LRRTM4: variants seen among roughly 807,000 people sequenced by gnomAD.
LRRTM4 encodes leucine-rich repeat transmembrane neuronal protein 4.
LRRTM4 carries 25 observed loss-of-function variants against 47.6 expected under a neutral mutation model. That is an observed-to-expected ratio of 0.53 (90% CI 0.38 to 0.73). The LOEUF (loss-of-function observed/expected upper bound fraction) is 0.73, where lower values mean the gene tolerates loss of function less well. Ranked by LOEUF, LRRTM4 falls within the 30% of genes least tolerant of loss-of-function variation. LRRTM4 has a pLI of 0.00. For missense variants in LRRTM4, 638 were observed against 713.4 expected (o/e 0.89, Z 1.20); for synonymous variants, 311 against 269.5 (o/e 1.15, Z -1.51).
intron 3 of LRRTM4, among the ~76,000 whole-genome samples, chr2:77,145,725 G>A (rs1573007483): frequency 6.6e-6 from 1 of 151,746 alleles, no homozygotes; most frequent in African/African-American, 2.4e-5. Context: ...AGTGAGCAGA[G>A]ATCATGCCAC....
At chr2:76,961,904 C>G (rs902712553) in intron 3 of LRRTM4, among the ~76,000 whole-genome samples, 1 of 151,294 alleles carries the variant, frequency 6.6e-6, no homozygotes, top group African/African-American at 2.4e-5. Flanking sequence ...ATTGATAGCT[C>G]TCACTTGAAC....
At position 77,118,959 on chromosome 2, in the gene LRRTM4, T is replaced by C. The variant is rs541542843; in HGVS notation, c.1552-370043A>G. On this transcript the variant is annotated intron_variant, in intron 3 of 3. Coordinates refer to ENST00000409884, the MANE Select transcript of LRRTM4 (RefSeq NM_001134745.3). ...ATATGTAAACCAAGATGTCCAAAGC[T>C]AGCCAGGCATGGGATTACTCTATGC... Among the ~76,000 whole-genome samples, 3 of 151,950 alleles carry C rather than the reference T, an allele frequency of 2.0e-5. No homozygotes were observed. The South Asian group carries it at 6.2e-4, about 31-fold the overall frequency.
chr2:77,044,605 T>C (rs994970680), intron 3 of LRRTM4, among the ~76,000 whole-genome samples: 4 of 151,286 alleles, frequency 2.6e-5, no homozygotes, highest in Non-Finnish European at 5.9e-5. Flanking sequence ...GAGTGAAAAC[T>C]AGTTTATTTG....
At chr2:77,318,601 G>A (rs1426048739) in intron 3 of LRRTM4, among the ~76,000 whole-genome samples, 2 of 152,106 alleles carry the variant, frequency 1.3e-5, no homozygotes, top group African/African-American at 4.8e-5. Flanking sequence ...TACCATTGTG[G>A]CTTGAAATAG....
intron 3 of LRRTM4, among the ~76,000 whole-genome samples, chr2:76,878,064 T>C (rs1672827469): frequency 6.6e-6 from 1 of 152,204 alleles, no homozygotes; most frequent in African/African-American, 2.4e-5. Context: ...ACAGCGTATG[T>C]TCACTTCATG....
intron 3 of LRRTM4, among the ~76,000 whole-genome samples, chr2:76,919,809 G>C (rs1216470854): frequency 6.6e-6 from 1 of 152,158 alleles, no homozygotes; most frequent in Middle Eastern, 3.2e-3. Flanking sequence ...AGGTTAAAAA[G>C]TATATCTTCT....
chr2:77,342,218 T>G (rs1671397914), intron 3 of LRRTM4, among the ~76,000 whole-genome samples: 1 of 151,954 alleles, frequency 6.6e-6, no homozygotes, highest in African/African-American at 2.4e-5. Flanking sequence ...GTAGAACAAA[T>G]GTTAGAAGTC....
chr2:77,108,474 CTA>C (rs1262544764), intron 3 of LRRTM4, among the ~76,000 whole-genome samples: 8 of 151,440 alleles, frequency 5.3e-5, no homozygotes, highest in Non-Finnish European at 8.8e-5. Context: ...ACTGCAAAAA[CTA>C]TAGAATATAT....
intron 3 of LRRTM4, among the ~76,000 whole-genome samples, chr2:76,808,454 A>G (rs1670628885): frequency 6.6e-6 from 1 of 151,810 alleles, no homozygotes; most frequent in Non-Finnish European, 1.5e-5. Context: ...GGAAAAAAAA[A>G]AAGAATACAT....
Position 77,044,552 on chromosome 2 carries a change from CTG to C in LRRTM4, c.1552-295638_1552-295637del, listed in dbSNP as rs949318559. Reference sequence around the variant, plus strand: ...AGATATTAGTCAAGGGTGTGTGTGTCTGTGAGTGTGTGTGTGTGCATGCAAAA... The same window carrying C: ...AGATATTAGTCAAGGGTGTGTGTGTCTGAGTGTGTGTGTGTGCATGCAAAA... On this transcript the variant is annotated intron_variant, in intron 3 of 3. Coordinates refer to ENST00000409884, the MANE Select transcript of LRRTM4 (RefSeq NM_001134745.3). Among the ~76,000 whole-genome samples the C allele has an allele frequency of 2.2e-3, 327 of 151,236 alleles. 1 individual carries two copies. Among genetic ancestry groups the C allele is most frequent in the African/African-American group, 7.5e-3 (308 of 41,272 alleles).
At chr2:76,770,210 T>C (rs1673636301) in intron 3 of LRRTM4, among the ~76,000 whole-genome samples, 1 of 152,228 alleles carries the variant, frequency 6.6e-6, no homozygotes, top group South Asian at 2.1e-4. Context: ...ATTAATAATA[T>C]AATACATGTG....
At chr2:77,035,348 C>A (rs1057480910) in intron 3 of LRRTM4, among the ~76,000 whole-genome samples, 1 of 151,580 alleles carries the variant, frequency 6.6e-6, no homozygotes, top group African/African-American at 2.4e-5. Context: ...TCTTGCAAAA[C>A]TACAGATAAC....
At chr2:77,017,861 C>A (rs1443176307) in intron 3 of LRRTM4, among the ~76,000 whole-genome samples, 1 of 151,966 alleles carries the variant, frequency 6.6e-6, no homozygotes, top group Non-Finnish European at 1.5e-5. Flanking sequence ...AGCAAGTCTG[C>A]ATAATCACCC....
chr2:76,915,849 TATC>T (rs898989057), intron 3 of LRRTM4, among the ~76,000 whole-genome samples: 15 of 152,176 alleles, frequency 9.9e-5, no homozygotes, highest in African/African-American at 3.6e-4. Flanking sequence ...CAATATTCAA[TATC>T]ATTCTACTTC....
At chr2:77,464,958 T>C (rs1216715405) in intron 3 of LRRTM4, among the ~76,000 whole-genome samples, 2 of 152,158 alleles carry the variant, frequency 1.3e-5, no homozygotes, top group African/African-American at 4.8e-5. Flanking sequence ...TAAAGACATA[T>C]ACTACATAAA....
At chr2:76,820,905 G>A (rs1573167027) in intron 3 of LRRTM4, among the ~76,000 whole-genome samples, 1 of 51,216 alleles carries the variant, frequency 2.0e-5, no homozygotes, top group Non-Finnish European at 3.5e-5. Flanking sequence ...CCCGTTCTCT[G>A]GAGGCTGTGA....
At chr2:77,026,060 C>T (rs992137636) in intron 3 of LRRTM4, among the ~76,000 whole-genome samples, 26 of 152,108 alleles carry the variant, frequency 1.7e-4, no homozygotes, top group Non-Finnish European at 3.2e-4. Context: ...GCATTATAAA[C>T]GTTGACTAAA....
In LRRTM4 at chr2:77,207,231, A is replaced by G. The variant is rs533211498; in HGVS notation, c.1551+311087T>C. Among the ~76,000 whole-genome samples the G allele has an allele frequency of 7.1e-4, 103 of 146,024 alleles. 1 individual carries two copies. The South Asian group carries it at 0.021, about 29-fold the overall frequency. ...AGGAAAAATATATACACATATGTGT[A>G]TATATATATACGTATTTATACACAT... On this transcript the variant is annotated intron_variant, in intron 3 of 3. Transcript: ENST00000409884.
chr2:77,119,504 C>G (rs1671472759), intron 3 of LRRTM4, among the ~76,000 whole-genome samples: 1 of 151,774 alleles, frequency 6.6e-6, no homozygotes, highest in Non-Finnish European at 1.5e-5. Flanking sequence ...AGGAAATTTT[C>G]TCTTAGGCAT....
Sources: allele counts gnomAD v4.1 joint callset (sites outside exome capture counted in the v4.1 genomes callset), GRCh38; gene constraint gnomAD v4.1.1; transcripts MANE v1.5; gene names NCBI Gene and HGNC (gene_info 2026-07-23, HGNC 2026-07-21).